SNX29: variants seen among roughly 807,000 people sequenced by gnomAD.
SNX29 encodes the protein sorting nexin 29.
Under a neutral mutation model 102.1 loss-of-function variants are expected in SNX29, and 78 were observed. That is an observed-to-expected ratio of 0.76 (90% confidence interval 0.64 to 0.92). The LOEUF (loss-of-function observed/expected upper bound fraction) is 0.92, where lower values mean the gene tolerates loss of function less well. Ranked by LOEUF, SNX29 falls within the 40% of genes least tolerant of loss-of-function variation. The probability of loss-of-function intolerance (pLI) is 0.00; values close to 1 mark genes in which losing one functional copy is unlikely to be tolerated. For synonymous variants in SNX29, 580 were observed against 414.5 expected (o/e 1.40, Z -4.85); for missense variants, 1,280 against 1,061.7 (o/e 1.21, Z -2.86).
intron 20 of SNX29, among the ~76,000 whole-genome samples, chr16:12,553,991 A>G (rs193076469): frequency 3.3e-4 from 50 of 152,072 alleles, no homozygotes; most frequent in African/African-American, 1.2e-3. Context: ...CATTTGGCTA[A>G]TTTTTGTATT....
intron 16 of SNX29, among the ~76,000 whole-genome samples, chr16:12,388,303 C>T (rs1033646102): frequency 1.3e-5 from 2 of 152,170 alleles, no homozygotes; most frequent in Non-Finnish European, 2.9e-5. Flanking sequence ...CTGTAGAATA[C>T]GGGAAACAGG....
chr16:12,290,659 T>C (rs1380391182), intron 15 of SNX29, among the ~76,000 whole-genome samples: 2 of 152,234 alleles, frequency 1.3e-5, no homozygotes, highest in Non-Finnish European at 2.9e-5. Context: ...TCAAGGTCTG[T>C]CTCATTTTTC....
chr16:12,378,222 G>A (rs568797769), intron 16 of SNX29, among the ~76,000 whole-genome samples: 54 of 152,176 alleles, frequency 3.5e-4, no homozygotes, highest in Admixed American at 6.5e-4. Context: ...TTGGGTATCT[G>A]CATCTGGTGA....
At chr16:12,463,603 G>A (rs1302820572) in intron 18 of SNX29, among the ~76,000 whole-genome samples, 2 of 152,146 alleles carry the variant, frequency 1.3e-5, no homozygotes, top group East Asian at 3.8e-4. Flanking sequence ...CAACACGTGG[G>A]AATTATGGGA....
rs182641878 is a variant in SNX29, at chr16:12,566,621, C to G, written c.2319-1885C>G. 3.7e-4 allele frequency among the ~76,000 whole-genome samples: 57 copies of G among 152,334 alleles called. No individual in the cohort carries two copies. In the East Asian group the frequency reaches 9.5e-3, roughly 25 times the overall value. ...TCTAAGAATCAGTTCCCCTACACTG[C>G]AAGCAAAGACCTCCTTCCAGCATCT... is the stretch of plus-strand genomic sequence containing the variant. On this transcript the variant is annotated intron_variant, in intron 20 of 20. Coordinates refer to ENST00000566228, the MANE Select transcript of SNX29 (RefSeq NM_032167.5).
chr16:12,054,603 C>T (rs184992443), intron 8 of SNX29, among the ~76,000 whole-genome samples: 2 of 152,370 alleles, frequency 1.3e-5, no homozygotes, highest in Admixed American at 1.3e-4. Context: ...CTCCCACTAT[C>T]TGCTCTCCTG....
intron 20 of SNX29, among the ~76,000 whole-genome samples, chr16:12,538,996 C>T (rs556186614): frequency 1.3e-5 from 2 of 152,242 alleles, no homozygotes; most frequent in African/African-American, 2.4e-5. Flanking sequence ...TAGAACAGAC[C>T]AGTAATTCGA....
At chr16:12,205,384 C>G (rs1477558792) in intron 14 of SNX29, among the ~76,000 whole-genome samples, 2 of 152,210 alleles carry the variant, frequency 1.3e-5, no homozygotes, top group East Asian at 3.9e-4. Context: ...TCCCGTCACT[C>G]TGCTGTTTAC....
intron 13 of SNX29, among the ~76,000 whole-genome samples, chr16:12,166,205 CTGTG>C (rs889522639): frequency 8.5e-5 from 13 of 152,188 alleles, no homozygotes; most frequent in Admixed American, 2.0e-4. Flanking sequence ...TGAGCATCTC[CTGTG>C]TGTCAGGCAC....
intron 18 of SNX29, among the ~76,000 whole-genome samples, chr16:12,404,489 G>A (rs1256756500): frequency 2.0e-5 from 3 of 152,064 alleles, no homozygotes; most frequent in Non-Finnish European, 4.4e-5. Flanking sequence ...TCTCAGTGCT[G>A]AGCCCCAGCT....
intron 16 of SNX29, among the ~76,000 whole-genome samples, chr16:12,378,230 T>A (rs189684752): frequency 6.6e-6 from 1 of 152,160 alleles, no homozygotes; most frequent in Non-Finnish European, 1.5e-5. Flanking sequence ...CTGCATCTGG[T>A]GAGGGTGTTT....
intron 19 of SNX29, among the ~76,000 whole-genome samples, chr16:12,487,948 C>G (rs1193844358): frequency 6.6e-6 from 1 of 152,114 alleles, no homozygotes; most frequent in Non-Finnish European, 1.5e-5. Flanking sequence ...CAGTAAAAGC[C>G]TCTTAAGATA....
At chr16:12,227,899 T>TTA (rs71139584) in intron 14 of SNX29, among the ~76,000 whole-genome samples, 4 of 71,558 alleles carry the variant, frequency 5.6e-5, no homozygotes, top group Non-Finnish European at 7.1e-5. Context: ...GACTCTGTCT[T>TTA]AAAAAAAAAA....
At chr16:12,004,310 T>C (rs1596567056) in intron 3 of SNX29, among the ~76,000 whole-genome samples, 1 of 149,706 alleles carries the variant, frequency 6.7e-6, no homozygotes, top group African/African-American at 2.5e-5. Context: ...CACTGTACTC[T>C]AGCCTGGGCG....
intron 3 of SNX29, among the ~76,000 whole-genome samples, chr16:12,012,087 A>C (rs1428289174): frequency 6.6e-6 from 1 of 152,148 alleles, no homozygotes; most frequent in East Asian, 1.9e-4. Context: ...GGCGATGCAA[A>C]TTGGATGAGA....
intron 16 of SNX29, chr16:12,374,020 G>C (rs1013361407): frequency 6.6e-6 from 1 of 152,252 alleles, no homozygotes; most frequent in Non-Finnish European, 1.5e-5. Context: ...GAATAAGCCA[G>C]GGCTTAACTG....
chr16:12,047,238 A>T (rs1456471428), intron 6 of SNX29, among the ~76,000 whole-genome samples: 1 of 152,210 alleles, frequency 6.6e-6, no homozygotes, highest in African/African-American at 2.4e-5. Context: ...GGTTGATGTT[A>T]GTCGGTGGAC....
intron 18 of SNX29, among the ~76,000 whole-genome samples, chr16:12,434,980 G>A (rs74011723): frequency 2.0e-5 from 3 of 151,620 alleles, no homozygotes; most frequent in South Asian, 2.1e-4. Context: ...GGGGCGGTGG[G>A]GGGGGTTTGG....
chr16:12,027,485 C>T, intron 4 of SNX29, 41 bp downstream of exon 4: 3 of 1,606,580 alleles, frequency 1.9e-6, no homozygotes. Flanking sequence ...AGCTTGTCTT[C>T]CTTCTGCTCT....
Sources: gnomAD v4.1 joint callset for allele counts (sites outside exome capture counted in the v4.1 genomes callset) on GRCh38, gnomAD v4.1.1 for gene constraint, MANE v1.5 for transcripts, NCBI Gene and HGNC (gene_info 2026-07-23, HGNC 2026-07-21) for gene names.